MACROD2: variants seen among roughly 807,000 people sequenced by gnomAD.
MACROD2 encodes ADP-ribose glycohydrolase MACROD2.
In MACROD2, 36 loss-of-function variants were observed where a neutral mutation model predicts 70.4. The ratio of observed to expected loss-of-function variants is 0.51; its 90% CI spans 0.39 to 0.68. The LOEUF (loss-of-function observed/expected upper bound fraction) is 0.68. Among genes scored for constraint, MACROD2 ranks in the 30% least tolerant of loss-of-function variants. MACROD2 has a pLI of 0.00. For synonymous variants in MACROD2, 172 were observed against 178.8 expected (o/e 0.96, Z 0.30); for missense variants, 496 against 538.4 (o/e 0.92, Z 0.78).
chr20:15,139,608 T>G (rs1286443200), intron 5 of MACROD2, among the ~76,000 whole-genome samples: 3 of 152,080 alleles, frequency 2.0e-5, no homozygotes, highest in Admixed American at 2.0e-4. Flanking sequence ...TTTTTTGGGT[T>G]CCAAACAGAA....
chr20:14,572,553 GTC>G (rs1410902795), intron 4 of MACROD2, among the ~76,000 whole-genome samples: 2 of 152,190 alleles, frequency 1.3e-5, no homozygotes, highest in East Asian at 1.9e-4. Context: ...AAAATGAATA[GTC>G]TCTAACTACA....
chr20:15,371,101 C>T (rs2045485427), intron 6 of MACROD2, among the ~76,000 whole-genome samples: 1 of 152,036 alleles, frequency 6.6e-6, no homozygotes, highest in South Asian at 2.1e-4. Context: ...TTGCTCAGTG[C>T]TTTTATAATA....
chr20:14,869,999 A>G (rs2073470089), intron 5 of MACROD2, among the ~76,000 whole-genome samples: 1 of 152,106 alleles, frequency 6.6e-6, no homozygotes, highest in Non-Finnish European at 1.5e-5. Context: ...AGTTTGTCAT[A>G]TAGGTAGACT....
At chr20:15,576,338 G>A (rs2146637237) in intron 8 of MACROD2, among the ~76,000 whole-genome samples, 1 of 152,130 alleles carries the variant, frequency 6.6e-6, no homozygotes, top group East Asian at 1.9e-4. Context: ...TGAGTTTCAA[G>A]GCAGTAATGA....
rs138360508 is a variant in MACROD2 at position 14,077,053 on chromosome 20, G to A, written c.164-8568G>A. On this transcript the variant is annotated intron_variant, in intron 2 of 17. Transcript: ENST00000684519. ...AATAAATGCATATGTTGTAGAAATC[G>A]TTAACAGGGAAATAACTTGAGATGT... Among the ~76,000 whole-genome samples, 488 of 152,172 alleles carry A rather than the reference G, an allele frequency of 3.2e-3. 9 individuals are homozygous for A. The highest frequency in any genetic ancestry group is 0.03 in the Admixed American group (455 of 15,276).
At position 15,503,417 on chromosome 20, in the gene MACROD2, A is replaced by T. The variant is rs530430619; in HGVS notation, c.645+3570A>T. Among the ~76,000 whole-genome samples the T allele has an allele frequency of 1.2e-4, 19 of 152,332 alleles. 1 individual carries two copies. The South Asian group carries it at 3.9e-3, about 32-fold the overall frequency. On this transcript the variant is annotated intron_variant, in intron 8 of 17. Transcript: ENST00000684519. Reference sequence around the variant, plus strand: ...CGGGTGATATTGATCAGATTACCATAACTTTAACTTGGGTTCGGCCTCAGT... The same window carrying T: ...CGGGTGATATTGATCAGATTACCATTACTTTAACTTGGGTTCGGCCTCAGT...
chr20:15,327,444 T>C (rs2077942724), intron 6 of MACROD2, among the ~76,000 whole-genome samples: 2 of 152,102 alleles, frequency 1.3e-5, no homozygotes, highest in Non-Finnish European at 2.9e-5. Flanking sequence ...CAGTTTGGCA[T>C]GACTGGAATC....
intron 3 of MACROD2, among the ~76,000 whole-genome samples, chr20:14,471,160 C>A (rs2084526123): frequency 6.6e-6 from 1 of 152,154 alleles, no homozygotes; most frequent in Admixed American, 6.5e-5. Flanking sequence ...CTGTGGGCTT[C>A]CCTTGGCTAG....
chr20:15,499,465 A>G (rs986174202), intron 7 of MACROD2, among the ~76,000 whole-genome samples: 1 of 152,174 alleles, frequency 6.6e-6, no homozygotes, highest in Non-Finnish European at 1.5e-5. Context: ...AAATAATATG[A>G]AAGTATATTG....
intron 5 of MACROD2, among the ~76,000 whole-genome samples, chr20:15,087,935 C>T (rs186911540): frequency 6.6e-6 from 1 of 151,740 alleles, no homozygotes; most frequent in African/African-American, 2.4e-5. Context: ...TCTAGTAAAG[C>T]AAATTCAAAT....
intron 6 of MACROD2, among the ~76,000 whole-genome samples, chr20:15,383,865 A>AT (rs1301728621): frequency 1.3e-5 from 2 of 152,012 alleles, no homozygotes; most frequent in Non-Finnish European, 2.9e-5. Context: ...CCTTTAGTGT[A>AT]TTTTTTTAAT....
intron 4 of MACROD2, among the ~76,000 whole-genome samples, chr20:14,669,343 A>G (rs1436629135): frequency 2.0e-5 from 3 of 152,218 alleles, no homozygotes; most frequent in African/African-American, 7.2e-5. Flanking sequence ...AAATATACAT[A>G]CACAGACAGG....
chr20:15,233,066 A>G (rs1234761668), intron 6 of MACROD2, among the ~76,000 whole-genome samples: 1 of 151,958 alleles, frequency 6.6e-6, no homozygotes, highest in African/African-American at 2.4e-5. Context: ...ATAAATGGAC[A>G]AGATCATCAT....
At chr20:14,310,202 A>C (rs1011996835) in intron 3 of MACROD2, among the ~76,000 whole-genome samples, 2 of 152,182 alleles carry the variant, frequency 1.3e-5, no homozygotes, top group African/African-American at 4.8e-5. Context: ...AATGTTCTAA[A>C]ATTGTTAGCA....
intron 6 of MACROD2, among the ~76,000 whole-genome samples, chr20:15,380,657 T>C (rs1464739883): frequency 6.6e-6 from 1 of 152,156 alleles, no homozygotes; most frequent in Admixed American, 6.5e-5. Flanking sequence ...CCCAACTCTG[T>C]TTTTGATAAC....
chr20:15,161,236 G>A lies in MACROD2; in HGVS notation c.419-68704G>A, dbSNP rs1445546478. Among the ~76,000 whole-genome samples the A allele has an allele frequency of 3.3e-5, 5 of 151,816 alleles. No homozygotes were observed. The South Asian group carries it at 8.3e-4, about 25-fold the overall frequency. On this transcript the variant is annotated intron_variant, in intron 5 of 17. Transcript: ENST00000684519. ...ATTAACACAACTGAGGACATAATAT[G>A]CTCAATAAAAAAATCATTTGCAGGT... is the stretch of plus-strand genomic sequence containing the variant.
chr20:14,379,430 A>G (rs1191893707), intron 3 of MACROD2, among the ~76,000 whole-genome samples: 2 of 152,226 alleles, frequency 1.3e-5, no homozygotes, highest in African/African-American at 4.8e-5. Flanking sequence ...TGTTCATTAC[A>G]TAATTAAGCT....
chr20:14,874,282 G>T (rs1447348092), intron 5 of MACROD2, among the ~76,000 whole-genome samples: 4 of 138,550 alleles, frequency 2.9e-5, no homozygotes, highest in African/African-American at 1.1e-4. Flanking sequence ...AGTATCAAAT[G>T]GAGATTCATT....
intron 8 of MACROD2, among the ~76,000 whole-genome samples, chr20:15,853,440 A>T (rs2064322140): frequency 6.6e-6 from 1 of 152,222 alleles, no homozygotes; most frequent in Non-Finnish European, 1.5e-5. Flanking sequence ...CTCAAATCTT[A>T]AAATAGGGAG....
Sources: allele counts gnomAD v4.1 joint callset (sites outside exome capture counted in the v4.1 genomes callset), GRCh38; gene constraint gnomAD v4.1.1; transcripts MANE v1.5; gene names NCBI Gene and HGNC (gene_info 2026-07-23, HGNC 2026-07-21).